CSMD1: variants seen among roughly 807,000 people sequenced by gnomAD.
CSMD1 encodes the protein CUB and Sushi multiple domains 1.
In CSMD1, 213 loss-of-function variants were observed where a neutral mutation model predicts 417.5. The observed-to-expected ratio is 0.51, with a 90% CI of 0.46 to 0.57. The LOEUF (loss-of-function observed/expected upper bound fraction) is 0.57, where lower values mean the gene tolerates loss of function less well. Among genes scored for constraint, CSMD1 ranks in the 20% least tolerant of loss-of-function variants. The probability of loss-of-function intolerance (pLI) is 0.00; values close to 1 mark genes in which losing one functional copy is unlikely to be tolerated. For synonymous variants in CSMD1, 2,862 were observed against 1,736.8 expected, an observed-to-expected ratio of 1.65 and a Z score of -16.11; for missense variants, 6,923 against 4,529.7, an observed-to-expected ratio of 1.53 and a Z score of -15.17.
At chr8:4,397,997 C>G (rs1379266665) in intron 3 of CSMD1, among the ~76,000 whole-genome samples, 1 of 152,130 alleles carries the variant, frequency 6.6e-6, no homozygotes, top group Non-Finnish European at 1.5e-5. Flanking sequence ...TTTTTAAATA[C>G]CTTTGTCTAG....
intron 3 of CSMD1, among the ~76,000 whole-genome samples, chr8:4,114,190 G>A (rs1029740520): frequency 6.6e-6 from 1 of 152,208 alleles, no homozygotes; most frequent in Non-Finnish European, 1.5e-5. Flanking sequence ...TCTATTAGGA[G>A]CTCATGCAGC....
At chr8:3,793,511 G>A (rs1276856258) in intron 5 of CSMD1, among the ~76,000 whole-genome samples, 2 of 147,786 alleles carry the variant, frequency 1.4e-5, no homozygotes, top group African/African-American at 2.5e-5. Context: ...CCCTCTCTAG[G>A]TGGATCTCTG....
chr8:3,408,446 C>G (rs943561584), intron 13 of CSMD1, among the ~76,000 whole-genome samples: 1 of 151,224 alleles, frequency 6.6e-6, no homozygotes, highest in Non-Finnish European at 1.5e-5. Context: ...AGAACCTATA[C>G]ATAATCAAGC....
At chr8:4,280,144 A>G (rs560535986) in intron 3 of CSMD1, among the ~76,000 whole-genome samples, 3 of 152,348 alleles carry the variant, frequency 2.0e-5, no homozygotes, top group African/African-American at 4.8e-5. Context: ...AAATATTCTG[A>G]ATTATTTAGA....
At chr8:4,536,406 T>G (rs1288557798) in intron 2 of CSMD1, among the ~76,000 whole-genome samples, 3 of 152,174 alleles carry the variant, frequency 2.0e-5, no homozygotes, top group Non-Finnish European at 4.4e-5. Flanking sequence ...TAATCATATA[T>G]ATACATATAG....
chr8:3,893,941 G>C (rs796534591), intron 5 of CSMD1, among the ~76,000 whole-genome samples: 1 of 151,898 alleles, frequency 6.6e-6, no homozygotes, highest in African/African-American at 2.4e-5. Context: ...CCGCACGTGT[G>C]CACCCAGAGG....
chr8:4,098,806 A>G (rs764853653), intron 3 of CSMD1, among the ~76,000 whole-genome samples: 1 of 152,206 alleles, frequency 6.6e-6, no homozygotes, highest in Non-Finnish European at 1.5e-5. Flanking sequence ...ACAATGTCAT[A>G]AAAAGTTGTC....
chr8:3,741,979 G>GTTTTT (rs60936991), intron 6 of CSMD1, among the ~76,000 whole-genome samples: 142 of 146,192 alleles, frequency 9.7e-4, no homozygotes, highest in African/African-American at 1.8e-3. Flanking sequence ...AAGAATCTTG[G>GTTTTT]TTTTTTTTTT....
intron 1 of CSMD1, among the ~76,000 whole-genome samples, chr8:4,785,869 A>G (rs1440173718): frequency 6.6e-6 from 1 of 152,162 alleles, no homozygotes; most frequent in African/African-American, 2.4e-5. Context: ...ATCCTAAGAC[A>G]CAACGGGGCC....
At chr8:4,129,209 A>G (rs1585378177) in intron 3 of CSMD1, among the ~76,000 whole-genome samples, 2 of 152,320 alleles carry the variant, frequency 1.3e-5, no homozygotes. Flanking sequence ...AATATGTTCA[A>G]ATTCAGCAGA....
At chr8:3,621,143 G>A (rs960230267) in intron 7 of CSMD1, among the ~76,000 whole-genome samples, 1 of 152,138 alleles carries the variant, frequency 6.6e-6, no homozygotes, top group African/African-American at 2.4e-5. Context: ...CCCAAACCTT[G>A]ATCTCAGGCT....
chr8:3,227,743 C>G (rs1050575943), intron 27 of CSMD1, among the ~76,000 whole-genome samples: 3 of 151,266 alleles, frequency 2.0e-5, no homozygotes, highest in African/African-American at 7.3e-5. Flanking sequence ...AACAGTCAAG[C>G]AGGATGTTGT....
chr8:3,782,805 T>C (rs1275009781), intron 5 of CSMD1, among the ~76,000 whole-genome samples: 1 of 152,208 alleles, frequency 6.6e-6, no homozygotes, highest in Non-Finnish European at 1.5e-5. Context: ...CAAATGATTT[T>C]ATAAGAGGTT....
intron 1 of CSMD1, among the ~76,000 whole-genome samples, chr8:4,966,573 C>T (rs1056247509): frequency 6.6e-6 from 1 of 152,118 alleles, no homozygotes; most frequent in Non-Finnish European, 1.5e-5. Context: ...AAGTGTCACA[C>T]TGACATGCTA....
intron 5 of CSMD1, among the ~76,000 whole-genome samples, chr8:3,987,020 G>A (rs1482591126): frequency 2.0e-5 from 3 of 152,176 alleles, no homozygotes; most frequent in African/African-American, 7.2e-5. Context: ...CTCCCAAAGT[G>A]CTGGGATTAC....
intron 6 of CSMD1, among the ~76,000 whole-genome samples, chr8:3,744,220 C>T (rs967200520): frequency 2.6e-5 from 4 of 152,256 alleles, no homozygotes; most frequent in Middle Eastern, 3.4e-3. Flanking sequence ...CGTGTTCAAG[C>T]CGCAGCAGGT....
At chr8:3,873,687 A>G (rs560635752) in intron 5 of CSMD1, among the ~76,000 whole-genome samples, 95 of 152,182 alleles carry the variant, frequency 6.2e-4, no homozygotes, top group Non-Finnish European at 1.1e-3. Context: ...GTATCCCTGA[A>G]CTTAAAATAA....
At chr8:3,022,262 C>A (rs578009057) in intron 51 of CSMD1, among the ~76,000 whole-genome samples, 6 of 151,460 alleles carry the variant, frequency 4.0e-5, no homozygotes, top group African/African-American at 1.5e-4. Flanking sequence ...AATGCACCCG[C>A]AATCCCACAT....
At chr8:3,833,681 C>A (rs1802499373) in intron 5 of CSMD1, among the ~76,000 whole-genome samples, 1 of 151,976 alleles carries the variant, frequency 6.6e-6, no homozygotes, top group African/African-American at 2.4e-5. Context: ...ATAAATTATC[C>A]TTTTCTTCAA....
Sources: gnomAD v4.1 joint callset for allele counts (sites outside exome capture counted in the v4.1 genomes callset) on GRCh38, gnomAD v4.1.1 for gene constraint, MANE v1.5 for transcripts, NCBI Gene and HGNC (gene_info 2026-07-23, HGNC 2026-07-21) for gene names.